The following MMUT variants were observed in gnomAD, a reference collection of about 807,000 sequenced individuals.
MMUT encodes methylmalonyl-CoA mutase, mitochondrial.
In MMUT, 79 loss-of-function variants were observed where a neutral mutation model predicts 79.9. The ratio of observed to expected loss-of-function variants is 0.99; its 90% confidence interval spans 0.82 to 1.19. MMUT has a LOEUF of 1.19. MMUT is among the 50% of genes most tolerant of loss of function. MMUT has a pLI of 0.00. For missense variants in MMUT, 860 were observed against 917.2 expected (o/e 0.94, Z 0.81); for synonymous variants, 273 against 295.7 (o/e 0.92, Z 0.79).
At chr6:49,437,794 G>C (rs913470900) in intron 11 of MMUT, among the ~76,000 whole-genome samples, 11 of 151,844 alleles carry the variant, frequency 7.2e-5, no homozygotes, top group African/African-American at 2.4e-4. Flanking sequence ...CTTGAATCTA[G>C]TTGCAGCTCT....
intron 6 of MMUT, among the ~76,000 whole-genome samples, chr6:49,450,499 C>G (rs1767525534): frequency 6.6e-6 from 1 of 151,818 alleles, no homozygotes; most frequent in African/African-American, 2.4e-5. Context: ...GAAGAGGTCC[C>G]AATACTTTCA....
intron 4 of MMUT, 51 bp downstream of exon 4, chr6:49,456,029 G>A: frequency 7.1e-7 from 1 of 1,411,760 alleles, no homozygotes; most frequent in Admixed American, 1.7e-5. Context: ...ATATAAAATG[G>A]TCCTATGCAT....
chr6:49,447,735 C>A lies in MMUT; in HGVS notation c.1495G>T (p.Ala499Ser), dbSNP rs2229385. ...TTATCAATTGCCAGAACTTCTACAG[C>A]GTCTTCTTTTTCCAACTGGTACTTA... ...VNKYQLEKED[A>S]VEVLAIDNTS... Residue 499 changes from alanine (A) to serine (S), a missense_variant, in exon 8 of 13, where the codon GCT becomes TCT. Physicochemically the swap from Ala to Ser is moderately conservative, Grantham distance 99. Transcript: ENST00000274813. 1.9e-6 allele frequency: 3 copies of A among 1,611,544 alleles called. No homozygotes were observed. The highest frequency in any genetic ancestry group is 1.3e-5 in the African/African-American group (1 of 74,802).
At chr6:49,454,764 G>A (rs993522960) in intron 4 of MMUT, among the ~76,000 whole-genome samples, 5 of 152,182 alleles carry the variant, frequency 3.3e-5, no homozygotes, top group African/African-American at 1.2e-4. Flanking sequence ...GTAACAATAA[G>A]GAAGGGCACA....
At chr6:49,450,018 G>C (rs554418510) in intron 6 of MMUT, among the ~76,000 whole-genome samples, 1 of 152,046 alleles carries the variant, frequency 6.6e-6, no homozygotes, top group East Asian at 1.9e-4. Context: ...GGATCACGAG[G>C]TCAGGAGTTT....
At chr6:49,451,851 A>G (rs1308313055) in intron 5 of MMUT, 137 bp from the exon 6 acceptor site, 1 of 976,606 alleles carries the variant, frequency 1.0e-6, no homozygotes, top group African/African-American at 1.6e-5. Context: ...AATAGCAAAT[A>G]AATTCAGACA....
intron 11 of MMUT, among the ~76,000 whole-genome samples, chr6:49,439,144 T>C (rs537242572): frequency 2.9e-4 from 44 of 152,262 alleles, no homozygotes; most frequent in Admixed American, 1.8e-3. Context: ...ACCACTTCCA[T>C]TTGATGATGG....
At position 49,447,757 on chromosome 6, in the gene MMUT, C is replaced by T. The variant is rs746365541; in HGVS notation, c.1473G>A (p.Lys491=). ...SGSEVIVGVN[K]YQLEKEDAVE... ...CAGCGTCTTCTTTTTCCAACTGGTACTTATTTACTCCAACAATTACTTCAG... is the reference window on the plus strand; with the variant it reads ...CAGCGTCTTCTTTTTCCAACTGGTATTTATTTACTCCAACAATTACTTCAG... Residue 491 remains lysine (K), a synonymous_variant, in exon 8 of 13, where the codon AAG becomes AAA. Coordinates refer to ENST00000274813, the MANE Select transcript of MMUT (RefSeq NM_000255.4). The T allele has an allele frequency of 1.2e-6, 2 of 1,609,916 alleles. No homozygotes were observed. Among genetic ancestry groups the T allele is most frequent in the African/African-American group, 1.3e-5 (1 of 74,870 alleles).
chr6:49,446,958 C>G (rs866451730), intron 8 of MMUT, among the ~76,000 whole-genome samples: 2 of 151,710 alleles, frequency 1.3e-5, no homozygotes, highest in African/African-American at 2.4e-5. Context: ...TTGGAAACAG[C>G]AGTACTTACA....
At chr6:49,455,698 G>T (rs1767667760) in intron 4 of MMUT, among the ~76,000 whole-genome samples, 1 of 151,908 alleles carries the variant, frequency 6.6e-6, no homozygotes, top group South Asian at 2.1e-4. Context: ...CAGCACAGTG[G>T]ATCCCAAAAC....
chr6:49,446,381 A>G (rs1767410580), intron 8 of MMUT, among the ~76,000 whole-genome samples: 1 of 151,950 alleles, frequency 6.6e-6, no homozygotes. Flanking sequence ...TATGAAAATT[A>G]ATTTTTGTAA....
chr6:49,436,745 T>C (rs895956520), intron 11 of MMUT, among the ~76,000 whole-genome samples: 7 of 152,044 alleles, frequency 4.6e-5, no homozygotes, highest in African/African-American at 1.2e-4. Flanking sequence ...TAAAGAATAC[T>C]ATGCAGCCAG....
In MMUT at chr6:49,431,693, A is replaced by G. The variant is rs1230762057; in HGVS notation, c.*35T>C. Reference sequence around the variant, plus strand: ...CTCTTCTTTGATCATAACTAAAATAATATTTTAGACAAAAGCTAAAACAAA... The same window carrying G: ...CTCTTCTTTGATCATAACTAAAATAGTATTTTAGACAAAAGCTAAAACAAA... On this transcript the variant is annotated 3_prime_UTR_variant, in exon 13 of 13. Coordinates refer to ENST00000274813, the MANE Select transcript of MMUT (RefSeq NM_000255.4). 1.3e-6 allele frequency: 2 copies of G among 1,585,582 alleles called. No individual in the cohort carries two copies. Among genetic ancestry groups the G allele is most frequent in the Non-Finnish European group, 1.7e-6 (2 of 1,155,088 alleles).
rs1305904499 is a variant in MMUT, at chr6:49,435,315, TAGACCTTG to T, written c.2124+133_2124+140del. The T allele has an allele frequency of 2.7e-5, 24 of 874,938 alleles. No individual in the cohort carries two copies. The Admixed American group carries it at 5.1e-4, about 19-fold the overall frequency. 54.2% of individuals were successfully genotyped at this position (874,938 alleles called of 1,614,324 possible). ...AATGCAAAACAACACTGTCCACTTTTAGACCTTGTAGAATTTATTTAGTGAAATCACCA... is the reference window on the plus strand; with the variant it reads ...AATGCAAAACAACACTGTCCACTTTTTAGAATTTATTTAGTGAAATCACCA... On this transcript the variant is annotated intron_variant, in intron 12 of 12. Coordinates refer to ENST00000274813, the MANE Select transcript of MMUT (RefSeq NM_000255.4).
chr6:49,431,534 TTTA>T lies in MMUT; in HGVS notation c.*191_*193del, dbSNP rs1766974460. On this transcript the variant is annotated 3_prime_UTR_variant, in exon 13 of 13. Transcript: ENST00000274813. ...ATAGAGAGTTTTTAGGGATTTTTTT[TTTA>T]TTTTTGAAGTGAAACTGTATGTACA... 1 of 503,644 alleles carries T rather than the reference TTTA, an allele frequency of 2.0e-6. No individual in the cohort carries two copies. Among genetic ancestry groups the T allele is most frequent in the Admixed American group, 3.5e-5 (1 of 28,788 alleles). 31.2% of individuals were successfully genotyped at this position (503,644 alleles called of 1,614,324 possible).
chr6:49,443,852 T>C, intron 9 of MMUT: 1 of 406,134 alleles, frequency 2.5e-6, no homozygotes, highest in Admixed American at 2.8e-5. Context: ...TGTTTTTCAC[T>C]CAGCCTTTTT....
In MMUT at chr6:49,430,713, GATC is replaced by G. The variant is rs752978672; in HGVS notation, c.*1012_*1014del. ...TTATTTATGTTATATTCATGTAATG[GATC>G]ATGTTAACAATAAAGGACAACTTTC... On this transcript the variant is annotated 3_prime_UTR_variant, in exon 13 of 13. Coordinates refer to ENST00000274813, the MANE Select transcript of MMUT (RefSeq NM_000255.4). 4 of 152,040 alleles carry G rather than the reference GATC, an allele frequency of 2.6e-5. No individual in the cohort carries two copies. Among genetic ancestry groups the G allele is most frequent in the Non-Finnish European group, 5.9e-5 (4 of 68,000 alleles). 9.4% of individuals were successfully genotyped at this position (152,040 alleles called of 1,614,324 possible). A position where few individuals can be genotyped will look rare whatever the true frequency, so the allele number is the denominator to read the frequency against.
intron 12 of MMUT, among the ~76,000 whole-genome samples, chr6:49,434,914 T>G (rs191369576): frequency 3.6e-3 from 555 of 152,282 alleles, no homozygotes; most frequent in African/African-American, 0.013. Context: ...ATAAAGGGTT[T>G]TATAGGACCA....
Position 49,441,912 on chromosome 6 carries a change from T to C in MMUT, c.1736A>G (p.Asn579Ser), listed in dbSNP as rs1767286627. Residue 579 changes from asparagine (N) to serine (S), a missense_variant, in exon 10 of 13, where the codon AAT becomes AGT. Transcript: ENST00000274813. Reference protein sequence around the residue: ...LKKVFGEHKANDRMVSGAYRQ... With the variant: ...LKKVFGEHKASDRMVSGAYRQ... ...ATATGCTCCACTCACCATTCGATCA[T>C]TCGCTTTATGTTCACCAAATACCTT... The C allele has an allele frequency of 6.2e-7, 1 of 1,612,278 alleles. No individual in the cohort carries two copies.
Sources: allele counts gnomAD v4.1 joint callset (sites outside exome capture counted in the v4.1 genomes callset), GRCh38; gene constraint gnomAD v4.1.1; transcripts MANE v1.5; gene names NCBI Gene and HGNC (gene_info 2026-07-23, HGNC 2026-07-21).